The following PTPRN2 variants were observed in gnomAD, a reference collection of about 807,000 sequenced individuals.
The protein encoded by PTPRN2 is receptor-type tyrosine-protein phosphatase N2.
Under a neutral mutation model 118.8 loss-of-function variants are expected in PTPRN2, and 74 were observed. The observed-to-expected ratio is 0.62, with a 90% CI of 0.52 to 0.76. The LOEUF is 0.76. PTPRN2 is among the 30% of genes least tolerant of loss of function. The pLI is 0.00. For missense variants in PTPRN2, 1,481 were observed against 1,394.4 expected, an observed-to-expected ratio of 1.06 and a Z score of -0.99; for synonymous variants, 641 against 608.0, an observed-to-expected ratio of 1.05 and a Z score of -0.80.
intron 2 of PTPRN2, among the ~76,000 whole-genome samples, chr7:158,340,655 GCAGACGTCACTCACACCCACACTCTCACC>G (rs1806550504): frequency 2.1e-5 from 2 of 95,928 alleles, no homozygotes; most frequent in African/African-American, 8.2e-5. Flanking sequence ...GCTGACGCCC[GCAGACGTCACTCACACCCACACTCTCACC>G]ATAAGAGGTG....
chr7:157,928,631 C>T (rs535942074), intron 11 of PTPRN2, among the ~76,000 whole-genome samples: 2 of 149,872 alleles, frequency 1.3e-5, no homozygotes, highest in South Asian at 2.1e-4. Context: ...AATCTGAGAC[C>T]ACCTGAGTTT....
chr7:158,276,572 C>T (rs11772014), intron 3 of PTPRN2, among the ~76,000 whole-genome samples: 100,611 of 149,144 alleles, frequency 0.67, 34,345 homozygotes, highest in South Asian at 0.81. Context: ...CCTGGGCAGT[C>T]GTGGTGACCG....
chr7:157,721,281 T>C (rs1328927064), intron 12 of PTPRN2, among the ~76,000 whole-genome samples: 2 of 152,208 alleles, frequency 1.3e-5, no homozygotes, highest in Admixed American at 1.3e-4. Flanking sequence ...TCTTCAGAAA[T>C]GTCAGGGGTG....
At chr7:157,970,511 C>T (rs367690136) in intron 11 of PTPRN2, among the ~76,000 whole-genome samples, 3 of 152,278 alleles carry the variant, frequency 2.0e-5, no homozygotes, top group East Asian at 1.9e-4. Context: ...GCCAGAGCCA[C>T]GCTGATGGCG....
chr7:158,467,590 G>C lies in PTPRN2; in HGVS notation c.163+22145C>G, dbSNP rs543558456. On this transcript the variant is annotated intron_variant, in intron 2 of 22. Transcript: ENST00000389418. ...TTTTACAGTTTCAGATCTTGTGTTT[G>C]GGTCTTTAACCAATTTTGGGCAGAT... Among the ~76,000 whole-genome samples, 7 of 152,152 alleles carry C rather than the reference G, an allele frequency of 4.6e-5. No homozygotes were observed. The South Asian group carries it at 1.5e-3, about 32-fold the overall frequency.
At chr7:158,481,533 C>T (rs574667415) in intron 2 of PTPRN2, among the ~76,000 whole-genome samples, 34 of 152,310 alleles carry the variant, frequency 2.2e-4, no homozygotes, top group Admixed American at 9.2e-4. Flanking sequence ...GGTGCGATCT[C>T]GGCTCACTAC....
rs1291852932 is a variant in PTPRN2 at position 158,336,771 on chromosome 7, G to C, written c.164-19839C>G. On this transcript the variant is annotated intron_variant, in intron 2 of 22. Transcript: ENST00000389418. The stretch of plus-strand genomic sequence containing the variant: ...ACTCACACCCACAGTCTCACCATAA[G>C]AGGTGACACCTGCAGACGTCACTCA... Among the ~76,000 whole-genome samples, 4 of 100,712 alleles carry C rather than the reference G, an allele frequency of 4.0e-5. 1 individual carries two copies. The East Asian group carries it at 9.6e-4, about 24-fold the overall frequency. The allele number at this position is 100,712 out of a possible 152,430, so 66.1% of individuals were successfully genotyped here.
chr7:158,274,452 GGGGAGCCGCAGACACA>G (rs1798819544), intron 3 of PTPRN2, among the ~76,000 whole-genome samples: 1 of 121,836 alleles, frequency 8.2e-6, no homozygotes, highest in African/African-American at 3.0e-5. Flanking sequence ...CCGCAGACAC[GGGGAGCCGCAGACACA>G]GGAGGAGACA....
At chr7:158,532,081 A>G (rs1395423147) in intron 1 of PTPRN2, among the ~76,000 whole-genome samples, 1 of 152,250 alleles carries the variant, frequency 6.6e-6, no homozygotes, top group Admixed American at 6.5e-5. Context: ...AATAAACAAC[A>G]AAGTCAGAAA....
chr7:158,522,059 G>A (rs866442150), intron 1 of PTPRN2, among the ~76,000 whole-genome samples: 1 of 69,004 alleles, frequency 1.4e-5, no homozygotes, highest in Admixed American at 1.4e-4. Context: ...GGAGGTCCAC[G>A]TCACAATGGT....
chr7:158,259,407 C>T (rs1797241625), intron 3 of PTPRN2, among the ~76,000 whole-genome samples: 1 of 152,184 alleles, frequency 6.6e-6, no homozygotes, highest in Non-Finnish European at 1.5e-5. Flanking sequence ...CCCGCAGCTG[C>T]TGCTGTGCTG....
At chr7:157,625,610 T>C (rs1803520494) in intron 14 of PTPRN2, among the ~76,000 whole-genome samples, 1 of 152,020 alleles carries the variant, frequency 6.6e-6, no homozygotes, top group Non-Finnish European at 1.5e-5. Context: ...GGATAAAAGA[T>C]TAACAAATAT....
intron 1 of PTPRN2, among the ~76,000 whole-genome samples, chr7:158,572,098 A>C (rs1302470843): frequency 2.0e-5 from 3 of 152,202 alleles, no homozygotes; most frequent in African/African-American, 4.8e-5. Context: ...TCTGGAAAGC[A>C]GGGAAGGTTC....
intron 9 of PTPRN2, among the ~76,000 whole-genome samples, chr7:158,125,161 C>T (rs1817529443): frequency 6.6e-6 from 1 of 152,124 alleles, no homozygotes; most frequent in Admixed American, 6.5e-5. Flanking sequence ...AAGTGCCTCC[C>T]ACGGCCGCCT....
chr7:158,296,050 T>C (rs907003948), intron 3 of PTPRN2, among the ~76,000 whole-genome samples: 5 of 152,218 alleles, frequency 3.3e-5, no homozygotes, highest in African/African-American at 1.2e-4. Flanking sequence ...GGCGGGTCTC[T>C]GGCAAGGGCT....
intron 3 of PTPRN2, among the ~76,000 whole-genome samples, chr7:158,285,236 C>T (rs1191809108): frequency 6.6e-6 from 1 of 152,148 alleles, no homozygotes; most frequent in African/African-American, 2.4e-5. Flanking sequence ...AAAGGGCACT[C>T]GCGGTCCCAT....
intron 3 of PTPRN2, among the ~76,000 whole-genome samples, chr7:158,238,008 C>T (rs73518501): frequency 1.6e-4 from 24 of 152,286 alleles, no homozygotes; most frequent in African/African-American, 5.1e-4. Flanking sequence ...CTGGCTGCTC[C>T]CGACGTCCCT....
intron 5 of PTPRN2, among the ~76,000 whole-genome samples, chr7:158,168,729 T>C (rs747404938): frequency 1.1e-4 from 17 of 152,158 alleles, no homozygotes; most frequent in Non-Finnish European, 2.2e-4. Context: ...TTTCTGTCTA[T>C]ATTTTCTCCT....
At chr7:158,239,577 G>A (rs765615581) in intron 3 of PTPRN2, among the ~76,000 whole-genome samples, 3 of 152,174 alleles carry the variant, frequency 2.0e-5, no homozygotes, top group East Asian at 1.9e-4. Flanking sequence ...GCATCCCTGC[G>A]GCCCCTGCCA....
Sources: allele counts gnomAD v4.1 joint callset (sites outside exome capture counted in the v4.1 genomes callset), GRCh38; gene constraint gnomAD v4.1.1; transcripts MANE v1.5; gene names NCBI Gene and HGNC (gene_info 2026-07-23, HGNC 2026-07-21).